The following STAU2 variants were observed in gnomAD, a reference collection of about 807,000 sequenced individuals.
STAU2 encodes double-stranded RNA-binding protein Staufen homolog 2.
STAU2 carries 20 observed loss-of-function variants against 65.9 expected under a neutral mutation model. That is an observed-to-expected ratio of 0.30 (90% CI 0.21 to 0.44). STAU2 has a LOEUF of 0.44. STAU2 is among the 20% of genes least tolerant of loss of function. The pLI is 1.00. For missense variants in STAU2, 558 were observed against 683.9 expected (o/e 0.82, Z 2.05); for synonymous variants, 232 against 233.9 (o/e 0.99, Z 0.07).
At chr8:73,694,808 C>T (rs747804865) in intron 4 of STAU2, among the ~76,000 whole-genome samples, 5 of 152,154 alleles carry the variant, frequency 3.3e-5, no homozygotes, top group Non-Finnish European at 5.9e-5. Context: ...GAGGAGAGCA[C>T]GGCTATTGGA....
At chr8:73,647,581 CTT>C (rs1312989276) in intron 6 of STAU2, among the ~76,000 whole-genome samples, 51 of 138,922 alleles carry the variant, frequency 3.7e-4, no homozygotes, top group Admixed American at 2.9e-4. Context: ...AATTCTGCAT[CTT>C]TTTTTTTTTT....
intron 13 of STAU2, among the ~76,000 whole-genome samples, chr8:73,480,467 C>A (rs533848983): frequency 6.6e-6 from 1 of 152,018 alleles, no homozygotes; most frequent in Non-Finnish European, 1.5e-5. Context: ...GGTGACAACA[C>A]GAAGAGGGAT....
intron 8 of STAU2, 114 bp downstream of exon 8, chr8:73,615,561 C>A: frequency 1.4e-6 from 1 of 715,206 alleles, no homozygotes; most frequent in Non-Finnish European, 2.4e-6. Context: ...TGGGTTTGAA[C>A]ATATAGAAGC....
At chr8:73,587,129 G>A (rs80223427) in intron 11 of STAU2, among the ~76,000 whole-genome samples, 7,557 of 152,158 alleles carry the variant, frequency 0.05, 222 homozygotes, top group Middle Eastern at 0.13. Flanking sequence ...AGAATCAGGT[G>A]TTGAAATTTT....
chr8:73,436,994 C>G (rs1206155643), intron 13 of STAU2, among the ~76,000 whole-genome samples: 1 of 152,176 alleles, frequency 6.6e-6, no homozygotes, highest in Non-Finnish European at 1.5e-5. Flanking sequence ...ACAATATTAA[C>G]TCTAAATCCT....
At chr8:73,643,564 C>T (rs10104936) in intron 6 of STAU2, among the ~76,000 whole-genome samples, 11,072 of 152,194 alleles carry the variant, frequency 0.073, 438 homozygotes, top group Middle Eastern at 0.14. Context: ...GGAAGAGGTC[C>T]TTATGGCCTC....
chr8:73,573,640 C>CA (rs1376491539), intron 12 of STAU2, among the ~76,000 whole-genome samples: 1 of 152,096 alleles, frequency 6.6e-6, no homozygotes, highest in Non-Finnish European at 1.5e-5. Context: ...CTGCCAAAAA[C>CA]AGAAATGGGG....
chr8:73,603,973 T>C (rs1482352749), intron 9 of STAU2, 110 bp from the exon 10 acceptor site: 2 of 1,167,740 alleles, frequency 1.7e-6, no homozygotes, highest in South Asian at 1.9e-5. Context: ...AAACTGTGAC[T>C]AGAAAAGATA....
rs80250200 is a variant in STAU2, at chr8:73,736,512, T to C, written c.-18+1772A>G. Among the ~76,000 whole-genome samples, 997 of 152,282 alleles carry C rather than the reference T, an allele frequency of 6.5e-3. 7 individuals carry two copies. The highest frequency in any genetic ancestry group is 0.023 in the African/African-American group (952 of 41,556). On this transcript the variant is annotated intron_variant, in intron 3 of 14. Coordinates refer to ENST00000524300, the MANE Select transcript of STAU2 (RefSeq NM_001164380.2). ...AAGAGCAAGGTGCTATAACAGCATATAGCAGGACTGCAGTCAAGCAAGCCA... is the reference window on the plus strand; with the variant it reads ...AAGAGCAAGGTGCTATAACAGCATACAGCAGGACTGCAGTCAAGCAAGCCA...
At chr8:73,501,022 C>T (rs1398787270) in intron 13 of STAU2, among the ~76,000 whole-genome samples, 2 of 151,820 alleles carry the variant, frequency 1.3e-5, no homozygotes, top group Non-Finnish European at 2.9e-5. Context: ...TTCTACTATG[C>T]TTAGATTTTA....
chr8:73,522,112 C>A (rs890992382), intron 13 of STAU2, among the ~76,000 whole-genome samples: 1 of 152,104 alleles, frequency 6.6e-6, no homozygotes, highest in African/African-American at 2.4e-5. Flanking sequence ...CATCTACTTA[C>A]CCAATCTTTG....
chr8:73,552,418 G>C (rs764650625), intron 12 of STAU2, 99 bp from the exon 13 acceptor site: 14 of 1,077,940 alleles, frequency 1.3e-5, no homozygotes, highest in Non-Finnish European at 1.7e-5. Flanking sequence ...TAGTAACAAA[G>C]AAATGAGAAA....
At chr8:73,664,717 A>T (rs946805229) in intron 6 of STAU2, among the ~76,000 whole-genome samples, 1 of 152,138 alleles carries the variant, frequency 6.6e-6, no homozygotes. Context: ...CTGGCTGGGC[A>T]TGGTGGCTCA....
intron 4 of STAU2, among the ~76,000 whole-genome samples, chr8:73,694,567 T>C (rs932184855): frequency 6.6e-6 from 1 of 152,180 alleles, no homozygotes; most frequent in Non-Finnish European, 1.5e-5. Flanking sequence ...AAAGCCTATA[T>C]ATCATTCATC....
chr8:73,684,272 T>A (rs998362721), intron 5 of STAU2, among the ~76,000 whole-genome samples: 11 of 152,110 alleles, frequency 7.2e-5, no homozygotes, highest in Non-Finnish European at 1.2e-4. Flanking sequence ...CATAGACCAA[T>A]GGCACAGAAT....
intron 6 of STAU2, among the ~76,000 whole-genome samples, chr8:73,662,923 T>C (rs1466611142): frequency 6.7e-6 from 1 of 150,316 alleles, no homozygotes; most frequent in Non-Finnish European, 1.5e-5. Context: ...GCCCAGGTTC[T>C]TTTTTTTTTC....
intron 12 of STAU2, among the ~76,000 whole-genome samples, chr8:73,558,085 T>G (rs761894081): frequency 3.3e-5 from 5 of 152,226 alleles, no homozygotes; most frequent in African/African-American, 4.8e-5. Flanking sequence ...AGAATTTGAC[T>G]CCAGGCAGTC....
At chr8:73,674,183 A>G (rs1817876454) in intron 5 of STAU2, among the ~76,000 whole-genome samples, 1 of 151,482 alleles carries the variant, frequency 6.6e-6, no homozygotes, top group Admixed American at 6.6e-5. Context: ...CTGAATGTAC[A>G]CTGTTTCATA....
intron 13 of STAU2, among the ~76,000 whole-genome samples, chr8:73,473,516 C>A (rs548234881): frequency 6.6e-6 from 1 of 152,306 alleles, no homozygotes; most frequent in African/African-American, 2.4e-5. Flanking sequence ...AATGTGCACA[C>A]TGGGCGTTTT....
Sources: gnomAD v4.1 joint callset for allele counts (sites outside exome capture counted in the v4.1 genomes callset) on GRCh38, gnomAD v4.1.1 for gene constraint, MANE v1.5 for transcripts, NCBI Gene and HGNC (gene_info 2026-07-23, HGNC 2026-07-21) for gene names.